FAM107B: variants seen among roughly 807,000 people sequenced by gnomAD.
The protein encoded by FAM107B is protein FAM107B.
FAM107B carries 21 observed loss-of-function variants against 31.5 expected under a neutral mutation model. The ratio of observed to expected loss-of-function variants is 0.67; its 90% CI spans 0.47 to 0.96. The LOEUF is 0.96. Among genes scored for constraint, FAM107B ranks in the 40% least tolerant of loss-of-function variants. The probability of loss-of-function intolerance (pLI) is 0.00; values close to 1 mark genes in which losing one functional copy is unlikely to be tolerated. For missense variants in FAM107B, 452 were observed against 377.1 expected (o/e 1.20, Z -1.64); for synonymous variants, 157 against 141.5 (o/e 1.11, Z -0.78).
chr10:14,675,050 C>T (rs556276597), intron 1 of FAM107B, among the ~76,000 whole-genome samples: 2 of 152,264 alleles, frequency 1.3e-5, no homozygotes, highest in Non-Finnish European at 2.9e-5. Flanking sequence ...GTGCTGATTC[C>T]AGTGGTATAA....
At chr10:14,762,736 A>G (rs1227844760) in intron 1 of FAM107B, among the ~76,000 whole-genome samples, 1 of 147,184 alleles carries the variant, frequency 6.8e-6, no homozygotes, top group East Asian at 2.0e-4. Context: ...AGCCTGGGAG[A>G]CAGAGTGAAA....
At chr10:14,718,673 G>C (rs1266424952) in intron 1 of FAM107B, among the ~76,000 whole-genome samples, 2 of 152,214 alleles carry the variant, frequency 1.3e-5, no homozygotes, top group Admixed American at 1.3e-4. Context: ...AGATGAGGCT[G>C]ACATCCAAAT....
chr10:14,762,847 A>G (rs1833084331), intron 1 of FAM107B, among the ~76,000 whole-genome samples: 1 of 152,004 alleles, frequency 6.6e-6, no homozygotes, highest in Admixed American at 6.6e-5. Context: ...CTACAGAAGC[A>G]TGATGGATCT....
chr10:14,724,479 G>A (rs897628665), intron 1 of FAM107B, among the ~76,000 whole-genome samples: 16 of 152,214 alleles, frequency 1.1e-4, no homozygotes, highest in Admixed American at 2.0e-4. Flanking sequence ...CAGTCACCAC[G>A]CTGTTTTGAT....
intron 2 of FAM107B, among the ~76,000 whole-genome samples, chr10:14,563,031 A>G (rs930140738): frequency 2.0e-5 from 3 of 152,240 alleles, no homozygotes; most frequent in African/African-American, 7.2e-5. Context: ...TGTCTATTCA[A>G]TCAATGAATT....
At chr10:14,569,487 C>A (rs1168331679) in intron 2 of FAM107B, among the ~76,000 whole-genome samples, 1 of 152,124 alleles carries the variant, frequency 6.6e-6, no homozygotes, top group Admixed American at 6.5e-5. Flanking sequence ...GGAAGCTAGA[C>A]AGACTCAACA....
At chr10:14,607,172 T>C (rs1448121716) in intron 2 of FAM107B, among the ~76,000 whole-genome samples, 1 of 152,218 alleles carries the variant, frequency 6.6e-6, no homozygotes, top group Non-Finnish European at 1.5e-5. Flanking sequence ...CTCTGGGGTA[T>C]AAATGCCTAC....
At chr10:14,602,190 G>A (rs1009358391) in intron 2 of FAM107B, among the ~76,000 whole-genome samples, 1 of 152,142 alleles carries the variant, frequency 6.6e-6, no homozygotes, top group Non-Finnish European at 1.5e-5. Flanking sequence ...CTACTGCACC[G>A]CAACACTCCC....
chr10:14,667,235 T>C lies in FAM107B; in HGVS notation c.469+399A>G, dbSNP rs74122895. ...TTTAGCGAAGCTGCATACTTGACCATACACAAACATAAAAAAAACCCCAGC... is the reference window on the plus strand; with the variant it reads ...TTTAGCGAAGCTGCATACTTGACCACACACAAACATAAAAAAAACCCCAGC... On this transcript the variant is annotated intron_variant, in intron 2 of 4. Transcript: ENST00000181796. 8.9e-3 allele frequency among the ~76,000 whole-genome samples: 1,357 copies of C among 152,282 alleles called. 19 individuals are homozygous for C. Among genetic ancestry groups the C allele is most frequent in the African/African-American group, 0.031 (1,284 of 41,556 alleles).
chr10:14,596,030 C>T (rs1852178689), intron 2 of FAM107B, among the ~76,000 whole-genome samples: 1 of 152,230 alleles, frequency 6.6e-6, no homozygotes, highest in South Asian at 2.1e-4. Context: ...CCGTGGCCTG[C>T]CAGACCTCCT....
At chr10:14,765,915 C>T (rs1301718912) in intron 1 of FAM107B, among the ~76,000 whole-genome samples, 1 of 152,086 alleles carries the variant, frequency 6.6e-6, no homozygotes, top group African/African-American at 2.4e-5. Flanking sequence ...TAGAGCTGAT[C>T]CCAGTAATGC....
chr10:14,627,465 T>C (rs1588667547), intron 2 of FAM107B, among the ~76,000 whole-genome samples: 1 of 152,074 alleles, frequency 6.6e-6, no homozygotes, highest in South Asian at 2.1e-4. Context: ...GACAGGAAGA[T>C]AGAATGTAAA....
At chr10:14,655,942 A>T (rs1316853944) in intron 2 of FAM107B, among the ~76,000 whole-genome samples, 2 of 152,184 alleles carry the variant, frequency 1.3e-5, no homozygotes, top group African/African-American at 4.8e-5. Context: ...ACAGAGAGGC[A>T]TGCAGGTGCC....
chr10:14,572,594 T>C (rs1213835614), intron 2 of FAM107B, among the ~76,000 whole-genome samples: 1 of 151,354 alleles, frequency 6.6e-6, no homozygotes, highest in African/African-American at 2.4e-5. Flanking sequence ...TGCGGTGGTG[T>C]GCACCCGTGG....
chr10:14,666,238 G>C (rs2131471198), intron 2 of FAM107B, among the ~76,000 whole-genome samples: 1 of 152,286 alleles, frequency 6.6e-6, no homozygotes, highest in Non-Finnish European at 1.5e-5. Flanking sequence ...ATTTAAAAAG[G>C]AAAGAGGTTT....
intron 2 of FAM107B, among the ~76,000 whole-genome samples, chr10:14,629,730 G>C (rs1036987726): frequency 6.7e-6 from 1 of 150,082 alleles, no homozygotes; most frequent in South Asian, 2.1e-4. Context: ...AGCCAGGATG[G>C]TCTTGATCTC....
intron 1 of FAM107B, among the ~76,000 whole-genome samples, chr10:14,733,220 A>G (rs544379210): frequency 6.6e-6 from 1 of 152,162 alleles, no homozygotes; most frequent in Non-Finnish European, 1.5e-5. Flanking sequence ...TCTGTCACAG[A>G]AAGGAATATC....
intron 3 of FAM107B, among the ~76,000 whole-genome samples, chr10:14,524,818 T>G (rs981028612): frequency 1.3e-5 from 2 of 152,238 alleles, no homozygotes; most frequent in African/African-American, 4.8e-5. Context: ...TCAACTATTA[T>G]TCAATTCTCC....
chr10:14,683,046 C>T (rs1854878506), intron 1 of FAM107B, among the ~76,000 whole-genome samples: 1 of 152,174 alleles, frequency 6.6e-6, no homozygotes, highest in African/African-American at 2.4e-5. Flanking sequence ...CCCCATTACA[C>T]AATGTGGGAC....
Sources: allele counts gnomAD v4.1 joint callset (sites outside exome capture counted in the v4.1 genomes callset), GRCh38; gene constraint gnomAD v4.1.1; transcripts MANE v1.5; gene names NCBI Gene and HGNC (gene_info 2026-07-23, HGNC 2026-07-21).